The following BCL6B variants were observed in gnomAD, a reference collection of about 807,000 sequenced individuals.
BCL6B encodes the protein B-cell CLL/lymphoma 6 member B protein.
A neutral mutation model predicts 44.6 loss-of-function variants in BCL6B; 28 were observed. The ratio of observed to expected loss-of-function variants is 0.63; its 90% CI spans 0.47 to 0.86. The LOEUF is 0.86. Ranked by LOEUF, BCL6B falls within the 40% of genes least tolerant of loss-of-function variation. The pLI, the probability that BCL6B is intolerant of heterozygous loss-of-function variation, is 0.00. For synonymous variants in BCL6B, 268 were observed against 263.6 expected (o/e 1.02, Z -0.16); for missense variants, 626 against 652.3 (o/e 0.96, Z 0.44).
chr17:7,023,586 A>C, intron 1 of BCL6B, 74 bp from the exon 2 acceptor site: 1 of 1,427,514 alleles, frequency 7.0e-7, no homozygotes, highest in Middle Eastern at 2.0e-4. Context: ...GCACCTCGGA[A>C]GGAAAAGGCA....
Position 7,026,546 on chromosome 17 carries a change from C to T in BCL6B, c.979C>T (p.Pro327Ser), listed in dbSNP as rs368343693. ...CTTGGTTCCTGGGGACGAAGACAAA[C>T]CCTATAAGTGTCAGCTGTGCCGGTC... is the stretch of plus-strand genomic sequence containing the variant. ...DSLVPGDEDKPYKCQLCRSSF... is the reference protein window; with the variant it reads ...DSLVPGDEDKSYKCQLCRSSF... Residue 327 changes from proline (P) to serine (S), a missense_variant, in exon 6 of 9, where the codon CCC (proline) becomes TCC (serine). Physicochemically the swap from Pro to Ser is moderately conservative, Grantham distance 74. Transcript: ENST00000293805. 16 of 1,614,094 alleles carry T rather than the reference C, an allele frequency of 9.9e-6. No individual in the cohort carries two copies. Among genetic ancestry groups the T allele is most frequent in the African/African-American group, 1.3e-5 (1 of 74,938 alleles).
chr17:7,023,904 G>A (rs1681638298), intron 2 of BCL6B, 54 bp downstream of exon 2: 8 of 1,586,372 alleles, frequency 5.0e-6, no homozygotes, highest in Non-Finnish European at 6.0e-6. Context: ...TGGGACCACA[G>A]GGCCGTTGAG....
In BCL6B at chr17:7,029,028, A is replaced by G. The variant is rs1910383727; in HGVS notation, c.*1409A>G. ...ATTCCTGTCTGGAACCAGTGAATGCATTAGAACCTTCCATAGGAAAAGAAA... is the reference window on the plus strand; with the variant it reads ...ATTCCTGTCTGGAACCAGTGAATGCGTTAGAACCTTCCATAGGAAAAGAAA... On this transcript the variant is annotated 3_prime_UTR_variant, in exon 9 of 9. Transcript: ENST00000293805. 3.0e-6 allele frequency: 3 copies of G among 985,490 alleles called. No homozygotes were observed. In the African/African-American group the frequency reaches 5.2e-5, roughly 17 times the overall value. 61.0% of individuals were successfully genotyped at this position (985,490 alleles called of 1,614,324 possible). A position where few individuals can be genotyped will look rare whatever the true frequency, so the allele number is the denominator to read the frequency against.
rs201522060 is a variant in BCL6B at position 7,027,608 on chromosome 17, G to C, written c.1429G>C (p.Gly477Arg). The change falls in exon 9 of 9, where the codon GGG becomes CGG. Residue 477 changes from glycine (G) to arginine (R), a missense_variant. Gly to Arg is a moderately radical substitution (Grantham distance 125, BLOSUM62 -2). Transcript: ENST00000293805. ...CACCAAAGTGCACTACCACATTCTCGGGGGGCCCTAGCTGAGCGCAGGCCC... is the reference window on the plus strand; with the variant it reads ...CACCAAAGTGCACTACCACATTCTCCGGGGGCCCTAGCTGAGCGCAGGCCC... ...TNTKVHYHIL[G>R]GP 13 of 1,613,174 alleles carry C rather than the reference G, an allele frequency of 8.1e-6. No individual in the cohort carries two copies. Among genetic ancestry groups the C allele is most frequent in the Non-Finnish European group, 1.1e-5 (13 of 1,180,004 alleles).
intron 1 of BCL6B, 128 bp from the exon 2 acceptor site, chr17:7,023,532 G>C (rs954244516): frequency 9.3e-6 from 8 of 859,868 alleles, no homozygotes; most frequent in Admixed American, 2.9e-5. Flanking sequence ...TAGGAGGGAG[G>C]CTGCGTGTGC....
In BCL6B at chr17:7,027,849, G is replaced by A; in HGVS notation, c.*230G>A. 1 of 1,397,894 alleles carries A rather than the reference G, an allele frequency of 7.2e-7. No homozygotes were observed. Among genetic ancestry groups the A allele is most frequent in the South Asian group, 1.5e-5 (1 of 65,188 alleles). The allele number at this position is 1,397,894 out of a possible 1,614,324, so 86.6% of individuals were successfully genotyped here. A position where few individuals can be genotyped will look rare whatever the true frequency, so the allele number is the denominator to read the frequency against. The stretch of plus-strand genomic sequence containing the variant: ...CCCCACAAGCCAGATTGTTTCTGAG[G>A]AGAGAGCTAGCTAGGGGCTGGGAAA... On this transcript the variant is annotated 3_prime_UTR_variant, in exon 9 of 9. Coordinates refer to ENST00000293805, the MANE Select transcript of BCL6B (RefSeq NM_181844.4).
chr17:7,029,090 G>C lies in BCL6B; in HGVS notation c.*1471G>C. On this transcript the variant is annotated 3_prime_UTR_variant, in exon 9 of 9. Transcript: ENST00000293805. Reference sequence around the variant, plus strand: ...TCCATTCTGGGTTTGCTGTAGTTTGGTTGGGATTATTGTTGGCATTACAGA... The same window carrying C: ...TCCATTCTGGGTTTGCTGTAGTTTGCTTGGGATTATTGTTGGCATTACAGA... 1 of 985,524 alleles carries C rather than the reference G, an allele frequency of 1.0e-6. No individual in the cohort carries two copies. The highest frequency in any genetic ancestry group is 4.7e-5 in the South Asian group (1 of 21,294). The allele number at this position is 985,524 out of a possible 1,614,324, so 61.0% of individuals were successfully genotyped here. A position where few individuals can be genotyped will look rare whatever the true frequency, so the allele number is the denominator to read the frequency against.
In BCL6B at chr17:7,024,616, C is replaced by G. The variant is rs529982165; in HGVS notation, c.617C>G (p.Ala206Gly). Residue 206 changes from alanine (A) to glycine (G), a missense_variant, in exon 4 of 9, where the codon GCC becomes GGC. Ala to Gly is a moderately conservative substitution (Grantham distance 60). Transcript: ENST00000293805. The surrounding 1 kb of genome is among the most constrained non-coding windows in gnomAD (Gnocchi z 6.6). ...AAGTACATCGTGCTAAACTCTCAGG[C>G]CTCCCAAGCAGGGAGCCTGGTCGGG... ...KYKYIVLNSQ[A>G]SQAGSLVGER... 14 of 1,614,188 alleles carry G rather than the reference C, an allele frequency of 8.7e-6. No individual in the cohort carries two copies. The East Asian group carries it at 3.1e-4, about 36-fold the overall frequency.
At chr17:7,025,251 T>C (rs754581992) in intron 5 of BCL6B, 51 bp downstream of exon 5, 4 of 1,605,614 alleles carry the variant, frequency 2.5e-6, no homozygotes, top group Non-Finnish European at 2.6e-6. Context: ...CCAGGCAAGT[T>C]TGTGCCAAAA....
intron 5 of BCL6B, among the ~76,000 whole-genome samples, chr17:7,026,199 C>T (rs989204986): frequency 3.9e-5 from 6 of 152,150 alleles, no homozygotes; most frequent in Admixed American, 6.5e-5. Flanking sequence ...GGATTACAGT[C>T]GTGAGCCACC....
At position 7,026,500 on chromosome 17, in the gene BCL6B, G is replaced by T. The variant is rs752158283; in HGVS notation, c.933G>T (p.Gly311=). Residue 311 remains glycine (G), a synonymous_variant, in exon 6 of 9, where the codon GGG becomes GGT. Coordinates refer to ENST00000293805, the MANE Select transcript of BCL6B (RefSeq NM_181844.4). The stretch of plus-strand genomic sequence containing the variant: ...GCCAGAACTGTGAGGCTGTGGCAGG[G>T]TGCTCATCGGGGCTGGACTCCTTGG... ...FSCQNCEAVA[G]CSSGLDSLVP... is the part of the protein sequence containing the mutation. 1 of 1,614,178 alleles carries T rather than the reference G, an allele frequency of 6.2e-7. No individual in the cohort carries two copies. The highest frequency in any genetic ancestry group is 8.5e-7 in the Non-Finnish European group (1 of 1,180,004).
At chr17:7,027,241 G>A (rs1242649643) in intron 8 of BCL6B, among the ~76,000 whole-genome samples, 154 bp downstream of exon 8, 1 of 152,184 alleles carries the variant, frequency 6.6e-6, no homozygotes, top group Non-Finnish European at 1.5e-5. Flanking sequence ...GAGGCTGGGA[G>A]TCAGGATGGG....
Position 7,024,329 on chromosome 17 carries a change from T to C in BCL6B, c.401+25T>C. 1 of 1,613,746 alleles carries C rather than the reference T, an allele frequency of 6.2e-7. No homozygotes were observed. The highest frequency in any genetic ancestry group is 2.2e-5 in the East Asian group (1 of 44,878). ...GGTGAGGGACCCTGGCTCGGCGTTC[T>C]CTGTGGGTGAGGTGTTAAGGGCAAA... On this transcript the variant is annotated intron_variant, in intron 3 of 8. Coordinates refer to ENST00000293805, the MANE Select transcript of BCL6B (RefSeq NM_181844.4). The surrounding 1 kb of genome is among the most constrained non-coding windows in gnomAD (Gnocchi z 6.6).
intron 8 of BCL6B, 44 bp from the exon 9 acceptor site, chr17:7,027,459 T>A: frequency 6.2e-7 from 1 of 1,608,600 alleles, no homozygotes; most frequent in East Asian, 2.2e-5. Context: ...ACCTAAAAGG[T>A]GATTGTGGAT....
rs375894754 is a variant in BCL6B, at chr17:7,024,231, G to A, written c.328G>A (p.Ala110Thr). ...RLRLSPATAP[A>T]VLAAATYLQM... ...GCGCCTCTCTCCAGCCACTGCACCA[G>A]CAGTCCTAGCGGCCGCCACCTATTT... The change falls in exon 3 of 9, where the codon GCA (alanine) becomes ACA (threonine). Residue 110 changes from alanine (A) to threonine (T), a missense_variant. By Grantham distance (58) the Ala-to-Thr change is moderately conservative (BLOSUM62 0). Transcript: ENST00000293805. The surrounding 1 kb of genome is among the most constrained non-coding windows in gnomAD (Gnocchi z 6.6). The A allele has an allele frequency of 6.2e-7, 1 of 1,613,836 alleles. No individual in the cohort carries two copies. Among genetic ancestry groups the A allele is most frequent in the South Asian group, 1.1e-5 (1 of 91,088 alleles).
chr17:7,023,784 C>G lies in BCL6B; in HGVS notation c.113C>G (p.Thr38Ser). The change falls in exon 2 of 9, where the codon ACT becomes AGT. Residue 38 changes from threonine (T) to serine (S), a missense_variant. Thr to Ser is a moderately conservative substitution (Grantham distance 58). Coordinates refer to ENST00000293805, the MANE Select transcript of BCL6B (RefSeq NM_181844.4). ...GAGCTGCGCCTGCGCGGGATCCTCACTGACGTCACGCTGCTGGTTGGCGGG... is the reference window on the plus strand; with the variant it reads ...GAGCTGCGCCTGCGCGGGATCCTCAGTGACGTCACGCTGCTGGTTGGCGGG... ...LNELRLRGILTDVTLLVGGQP... is the reference protein window; with the variant it reads ...LNELRLRGILSDVTLLVGGQP... 6.2e-7 allele frequency: 1 copy of G among 1,613,172 alleles called. No homozygotes were observed. The highest frequency in any genetic ancestry group is 1.3e-5 in the African/African-American group (1 of 75,022).
chr17:7,023,931 A>G, intron 2 of BCL6B, 81 bp downstream of exon 2: 13 of 1,557,002 alleles, frequency 8.3e-6, no homozygotes, highest in African/African-American at 1.4e-5. Context: ...TCCGAAGCCA[A>G]GTCTTTCAGA....
At position 7,024,383 on chromosome 17, in the gene BCL6B, T is replaced by G. The variant is rs542825548; in HGVS notation, c.402-18T>G. On this transcript the variant is annotated intron_variant, in intron 3 of 8. Transcript: ENST00000293805. The surrounding 1 kb of genome is among the most constrained non-coding windows in gnomAD (Gnocchi z 6.6). ...AGAGTTTAGGAAATGGCACTAACGT[T>G]CATCACACTTTCCCCAGCTATGAAC... 6.2e-7 allele frequency: 1 copy of G among 1,612,166 alleles called. No individual in the cohort carries two copies. The highest frequency in any genetic ancestry group is 2.2e-5 in the East Asian group (1 of 44,830).
At chr17:7,026,370 C>T (rs1910285997) in intron 5 of BCL6B, 87 bp from the exon 6 acceptor site, 2 of 1,489,506 alleles carry the variant, frequency 1.3e-6, no homozygotes, top group Non-Finnish European at 9.1e-7. Flanking sequence ...AAACAGAAAG[C>T]CTGCTACTGT....
Sources: gnomAD v4.1 joint callset for allele counts (sites outside exome capture counted in the v4.1 genomes callset) on GRCh38, gnomAD v4.1.1 for gene constraint, Gnocchi (gnomAD v3.1) non-coding constraint, MANE v1.5 for transcripts, NCBI Gene and HGNC (gene_info 2026-07-23, HGNC 2026-07-21) for gene names.